The following SDK2 variants were observed in gnomAD, a reference collection of about 807,000 sequenced individuals.
The protein encoded by SDK2 is protein sidekick-2.
SDK2 carries 105 observed loss-of-function variants against 253.9 expected under a neutral mutation model. The observed-to-expected ratio is 0.41, with a 90% CI of 0.35 to 0.49. The LOEUF (loss-of-function observed/expected upper bound fraction) is 0.49, where lower values mean the gene tolerates loss of function less well. Ranked by LOEUF, SDK2 falls within the 20% of genes least tolerant of loss-of-function variation. SDK2 has a pLI of 0.06. For synonymous variants in SDK2, 1,249 were observed against 1,234.9 expected, an observed-to-expected ratio of 1.01 and a Z score of -0.24; for missense variants, 2,608 against 3,003.0, an observed-to-expected ratio of 0.87 and a Z score of 3.07.
Position 73,408,046 on chromosome 17 carries a change from C to CTTTTTTTTTTTTTTTTTTTTTT in SDK2, c.2485-5906_2485-5905insAAAAAAAAAAAAAAAAAAAAAA, listed in dbSNP as rs373774628. Among the ~76,000 whole-genome samples the CTTTTTTTTTTTTTTTTTTTTTT allele has an allele frequency of 7.9e-5, 4 of 50,950 alleles. 2 individuals carry two copies. The highest frequency in any genetic ancestry group is 1.4e-4 in the African/African-American group (2 of 14,232). The allele number at this position is 50,950 out of a possible 152,430, so 33.4% of individuals were successfully genotyped here. A position where few individuals can be genotyped will look rare whatever the true frequency, so the allele number is the denominator to read the frequency against. ...ACACCATCTAGGAAGTAAAATATTT[C>CTTTTTTTTTTTTTTTTTTTTTT]CTTTTTTTTTTTTTTTTTCTTTTGA... On this transcript the variant is annotated intron_variant, in intron 18 of 44. Transcript: ENST00000392650.
At chr17:73,386,404 C>T (rs376876675) in intron 31 of SDK2, 41 bp downstream of exon 31, 2 of 1,369,334 alleles carry the variant, frequency 1.5e-6, no homozygotes, top group Non-Finnish European at 2.0e-6. Flanking sequence ...AGGAAGCAGC[C>T]AGTGGGCTGA....
chr17:73,426,915 C>G (rs1226199216), intron 12 of SDK2, among the ~76,000 whole-genome samples: 1 of 151,936 alleles, frequency 6.6e-6, no homozygotes, highest in Non-Finnish European at 1.5e-5. Flanking sequence ...GAAACCCTGT[C>G]CCTACTAAAA....
At chr17:73,602,599 A>AT (rs1237393737) in intron 1 of SDK2, among the ~76,000 whole-genome samples, 1 of 150,958 alleles carries the variant, frequency 6.6e-6, no homozygotes, top group Non-Finnish European at 1.5e-5. Flanking sequence ...GTTGGATGAC[A>AT]TTTTTCCCAT....
intron 1 of SDK2, among the ~76,000 whole-genome samples, chr17:73,627,863 C>T (rs1158752467): frequency 6.6e-6 from 1 of 152,112 alleles, no homozygotes; most frequent in Admixed American, 6.5e-5. Flanking sequence ...TCCTGGCTAA[C>T]ACGGTGAAAC....
At chr17:73,394,401 G>A (rs1225154372) in intron 25 of SDK2, 77 bp from the exon 26 acceptor site, 10 of 931,528 alleles carry the variant, frequency 1.1e-5, no homozygotes, top group Non-Finnish European at 1.5e-5. Flanking sequence ...CCAGGACAGG[G>A]GGCCGAGGGA....
chr17:73,460,530 TA>T (rs1328811607), intron 3 of SDK2, among the ~76,000 whole-genome samples: 2 of 152,236 alleles, frequency 1.3e-5, no homozygotes, highest in African/African-American at 4.8e-5. Context: ...ATAAAAGTGT[TA>T]AAAAATTGTA....
intron 1 of SDK2, among the ~76,000 whole-genome samples, chr17:73,547,746 T>C (rs139662710): frequency 8.9e-4 from 136 of 152,370 alleles, no homozygotes; most frequent in African/African-American, 3.1e-3. Flanking sequence ...GGATGCTTTT[T>C]AGATTTTTGA....
At chr17:73,428,804 G>A (rs1233851778) in intron 12 of SDK2, among the ~76,000 whole-genome samples, 1 of 152,120 alleles carries the variant, frequency 6.6e-6, no homozygotes, top group Non-Finnish European at 1.5e-5. Flanking sequence ...GGGAGCTGCT[G>A]GGGTGGCCTT....
chr17:73,386,619 A>T, intron 30 of SDK2, 71 bp from the exon 31 acceptor site: 2 of 1,039,344 alleles, frequency 1.9e-6, no homozygotes, highest in South Asian at 2.7e-5. Flanking sequence ...CCCACCAAGG[A>T]GTCTCCCTGA....
At chr17:73,464,846 GT>G (rs139883013) in intron 3 of SDK2, among the ~76,000 whole-genome samples, 31 of 152,262 alleles carry the variant, frequency 2.0e-4, no homozygotes, top group Non-Finnish European at 3.2e-4. Flanking sequence ...GAACACTTTA[GT>G]TTTTGTCATG....
In SDK2 at chr17:73,414,652, C is replaced by T. The variant is rs1159470030; in HGVS notation, c.2476G>A (p.Gly826Ser). The change falls in exon 18 of 45, where the codon GGC (glycine) becomes AGC (serine). Residue 826 changes from glycine to serine, a missense_variant. By Grantham distance (56) the Gly-to-Ser change is moderately conservative (BLOSUM62 0). Coordinates refer to ENST00000392650, the MANE Select transcript of SDK2 (RefSeq NM_001144952.2). ...SPQFINGINQ[G>S]YKLIAWEPEQ... ...GGAGATGCCTCATGTACCTTGTAGC[C>T]CTGGTTGATGCCGTTGATGAACTGG... 1.9e-6 allele frequency: 3 copies of T among 1,613,340 alleles called. No individual in the cohort carries two copies. The highest frequency in any genetic ancestry group is 2.5e-6 in the Non-Finnish European group (3 of 1,179,428).
At chr17:73,607,586 C>T (rs1241304724) in intron 1 of SDK2, among the ~76,000 whole-genome samples, 1 of 152,038 alleles carries the variant, frequency 6.6e-6, no homozygotes, top group Non-Finnish European at 1.5e-5. Flanking sequence ...GGGAGGTGGG[C>T]CAGACCCCAC....
intron 1 of SDK2, among the ~76,000 whole-genome samples, chr17:73,558,909 G>T (rs1026031536): frequency 6.6e-6 from 1 of 152,194 alleles, no homozygotes; most frequent in South Asian, 2.1e-4. Flanking sequence ...TGCAGTAGCG[G>T]CCTGGAGAGA....
chr17:73,466,711 G>GA (rs1356872357), intron 3 of SDK2, among the ~76,000 whole-genome samples: 1 of 109,760 alleles, frequency 9.1e-6, no homozygotes, highest in African/African-American at 3.8e-5. Flanking sequence ...AGGCTCTGGG[G>GA]AACGCCCCCC....
At chr17:73,401,360 T>C in intron 20 of SDK2, 149 bp from the exon 21 acceptor site, 3 of 782,576 alleles carry the variant, frequency 3.8e-6, no homozygotes, top group Non-Finnish European at 6.1e-6. Flanking sequence ...GTTGGCATCA[T>C]GCCCTGGGTC....
intron 1 of SDK2, among the ~76,000 whole-genome samples, chr17:73,631,816 T>C (rs1461298995): frequency 2.0e-5 from 3 of 152,148 alleles, no homozygotes; most frequent in African/African-American, 7.2e-5. Context: ...TACCCACACA[T>C]CTAAATGAAA....
intron 1 of SDK2, among the ~76,000 whole-genome samples, chr17:73,611,749 G>A (rs1248922242): frequency 2.6e-5 from 4 of 152,198 alleles, no homozygotes; most frequent in African/African-American, 4.8e-5. Context: ...CCCACTCCAC[G>A]CTCCTCCTAT....
chr17:73,356,334 G>C (rs1398830656), intron 40 of SDK2, among the ~76,000 whole-genome samples: 1 of 152,190 alleles, frequency 6.6e-6, no homozygotes, highest in South Asian at 2.1e-4. Flanking sequence ...TGAGTCAACC[G>C]GGCCAGGCCA....
intron 1 of SDK2, among the ~76,000 whole-genome samples, chr17:73,527,651 GC>G (rs2064136588): frequency 6.6e-6 from 1 of 152,242 alleles, no homozygotes; most frequent in Non-Finnish European, 1.5e-5. Context: ...GACATTGCCA[GC>G]CTGGCAGTTT....
Sources: allele counts gnomAD v4.1 joint callset (sites outside exome capture counted in the v4.1 genomes callset), GRCh38; gene constraint gnomAD v4.1.1; transcripts MANE v1.5; gene names NCBI Gene and HGNC (gene_info 2026-07-23, HGNC 2026-07-21).